Variants in WRN observed in about 807,000 individuals in gnomAD.
The protein encoded by WRN is WRN RecQ like helicase.
In WRN, 149 loss-of-function variants were observed where a neutral mutation model predicts 180.7. That is an observed-to-expected ratio of 0.82 (90% confidence interval 0.72 to 0.94). The LOEUF is 0.94. Among genes scored for constraint, WRN ranks in the 40% least tolerant of loss-of-function variants. The probability of loss-of-function intolerance (pLI) is 0.00; values close to 1 mark genes in which losing one functional copy is unlikely to be tolerated. For missense variants in WRN, 1,661 were observed against 1,700.1 expected, an observed-to-expected ratio of 0.98 and a Z score of 0.40; for synonymous variants, 548 against 568.9, an observed-to-expected ratio of 0.96 and a Z score of 0.52.
intron 31 of WRN, among the ~76,000 whole-genome samples, chr8:31,153,967 G>GT (rs1290940449): frequency 6.6e-6 from 1 of 151,990 alleles, no homozygotes; most frequent in Non-Finnish European, 1.5e-5. Context: ...TATTATGACT[G>GT]TAGTATGCTG....
intron 5 of WRN, 38 bp from the exon 6 acceptor site, chr8:31,066,995 G>A (rs1182235761): frequency 3.7e-6 from 6 of 1,610,970 alleles, no homozygotes; most frequent in Non-Finnish European, 4.2e-6. Context: ...CTGAAAACAG[G>A]AACTGATTTT....
chr8:31,062,858 G>T (rs536813461), intron 3 of WRN, among the ~76,000 whole-genome samples: 1 of 152,016 alleles, frequency 6.6e-6, no homozygotes, highest in Non-Finnish European at 1.5e-5. Flanking sequence ...TAAAAACAGG[G>T]TCTTGCTCTG....
At chr8:31,106,953 G>C (rs1459985898) in intron 18 of WRN, among the ~76,000 whole-genome samples, 1 of 152,140 alleles carries the variant, frequency 6.6e-6, no homozygotes, top group Non-Finnish European at 1.5e-5. Context: ...TTCCAAAACA[G>C]GTAGTGGGCA....
intron 16 of WRN, among the ~76,000 whole-genome samples, chr8:31,093,995 C>T (rs1813858889): frequency 1.3e-5 from 2 of 152,090 alleles, no homozygotes; most frequent in African/African-American, 2.4e-5. Flanking sequence ...GTTGTTTATC[C>T]ATTCACCTGA....
At position 31,108,471 on chromosome 8, in the gene WRN, AT is replaced by A. The variant is rs894106381; in HGVS notation, c.2089-3135del. Among the ~76,000 whole-genome samples the A allele has an allele frequency of 4.6e-3, 702 of 151,250 alleles. 6 individuals carry two copies. Among genetic ancestry groups the A allele is most frequent in the African/African-American group, 0.016 (637 of 40,984 alleles). On this transcript the variant is annotated intron_variant, in intron 18 of 34. Coordinates refer to ENST00000298139, the MANE Select transcript of WRN (RefSeq NM_000553.6). ...GCTTATCATTAATTTTTATTTATTTATTTTTTTTTCCAGTTTTGGAATTCTT... is the reference window on the plus strand; with the variant it reads ...GCTTATCATTAATTTTTATTTATTTATTTTTTTTCCAGTTTTGGAATTCTT...
Position 31,052,762 on chromosome 8 carries a change from G to C in WRN, c.-76-5610G>C, listed in dbSNP as rs1392376102. On this transcript the variant is annotated intron_variant, in intron 1 of 34. Transcript: ENST00000298139. ...TGACTGTGTAGTGTTCTGTTTTATG[G>C]ATGTACCATACTTAATTATTTAGTC... 2.0e-5 allele frequency among the ~76,000 whole-genome samples: 3 copies of C among 152,166 alleles called. No homozygotes were observed. In the East Asian group the frequency reaches 5.8e-4, roughly 29 times the overall value.
chr8:31,124,852 A>T, intron 22 of WRN, 56 bp from the exon 23 acceptor site: 1 of 1,513,044 alleles, frequency 6.6e-7, no homozygotes, highest in South Asian at 1.1e-5. Flanking sequence ...TTCAGGAATG[A>T]ACTTAACATA....
chr8:31,093,895 ATTATT>A (rs1813855496), intron 16 of WRN, among the ~76,000 whole-genome samples: 1 of 152,128 alleles, frequency 6.6e-6, no homozygotes, highest in African/African-American at 2.4e-5. Context: ...ATGCAGTATA[ATTATT>A]TTGAGATTCA....
intron 1 of WRN, among the ~76,000 whole-genome samples, chr8:31,035,374 T>C (rs1472466889): frequency 1.3e-5 from 2 of 152,050 alleles, no homozygotes; most frequent in Non-Finnish European, 2.9e-5. Flanking sequence ...AGTCCAGAGC[T>C]CAAGGAAGTG....
chr8:31,099,183 G>A (rs1814111468), intron 17 of WRN, among the ~76,000 whole-genome samples: 1 of 151,914 alleles, frequency 6.6e-6, no homozygotes, highest in Admixed American at 6.6e-5. Context: ...TGGATCATGA[G>A]GTCAGGAGAT....
At chr8:31,091,727 A>G in intron 15 of WRN, 103 bp from the exon 16 acceptor site, 2 of 1,187,250 alleles carry the variant, frequency 1.7e-6, no homozygotes, top group Non-Finnish European at 2.5e-6. Flanking sequence ...TGCAAAGAAC[A>G]GGAATATAAA....
chr8:31,086,839 T>C (rs1293400000), intron 11 of WRN, among the ~76,000 whole-genome samples: 1 of 152,224 alleles, frequency 6.6e-6, no homozygotes, highest in Non-Finnish European at 1.5e-5. Flanking sequence ...TAATTATCCA[T>C]TTCTCTGAGA....
intron 5 of WRN, among the ~76,000 whole-genome samples, chr8:31,066,210 G>C (rs998828639): frequency 6.7e-6 from 1 of 149,216 alleles, no homozygotes; most frequent in African/African-American, 2.5e-5. Flanking sequence ...TTTTGAGACA[G>C]AGTCTTGCTC....
chr8:31,049,042 TAA>T (rs1157694482), intron 1 of WRN, among the ~76,000 whole-genome samples: 2 of 145,680 alleles, frequency 1.4e-5, no homozygotes, highest in Non-Finnish European at 1.5e-5. Context: ...CTGTCTCTAC[TAA>T]AAAAAAAATA....
intron 26 of WRN, 122 bp downstream of exon 26, chr8:31,141,897 C>A: frequency 3.1e-6 from 3 of 958,758 alleles, no homozygotes; most frequent in Non-Finnish European, 4.8e-6. Flanking sequence ...TTTTTGTATG[C>A]CTATTTTAGT....
At chr8:31,099,236 A>C (rs1814114243) in intron 17 of WRN, among the ~76,000 whole-genome samples, 2 of 152,050 alleles carry the variant, frequency 1.3e-5, no homozygotes, top group Non-Finnish European at 2.9e-5. Flanking sequence ...GTCTCTACTA[A>C]AAATACAAAA....
chr8:31,135,945 C>T (rs74966101), intron 24 of WRN, among the ~76,000 whole-genome samples: 2,783 of 152,206 alleles, frequency 0.018, 151 homozygotes, highest in Admixed American at 0.12. Flanking sequence ...AACACTTAGC[C>T]GATCAGTTAG....
At chr8:31,164,240 T>C (rs987479190) in intron 33 of WRN, among the ~76,000 whole-genome samples, 9 of 152,216 alleles carry the variant, frequency 5.9e-5, no homozygotes, top group African/African-American at 2.2e-4. Context: ...AAAATACTTT[T>C]TGTTCTCTTA....
chr8:31,124,127 T>C (rs1373897635), intron 21 of WRN, among the ~76,000 whole-genome samples: 1 of 152,192 alleles, frequency 6.6e-6, no homozygotes, highest in African/African-American at 2.4e-5. Flanking sequence ...CAAAATAAAA[T>C]AAAGAATAAC....
Sources: gnomAD v4.1 joint callset for allele counts (sites outside exome capture counted in the v4.1 genomes callset) on GRCh38, gnomAD v4.1.1 for gene constraint, MANE v1.5 for transcripts, NCBI Gene and HGNC (gene_info 2026-07-23, HGNC 2026-07-21) for gene names.